The following VCAM1 variants were observed in gnomAD, a reference collection of about 807,000 sequenced individuals.
VCAM1 encodes vascular cell adhesion protein 1.
A neutral mutation model predicts 63.8 loss-of-function variants in VCAM1; 41 were observed. That is an observed-to-expected ratio of 0.64 (90% CI 0.50 to 0.83). The LOEUF (loss-of-function observed/expected upper bound fraction) is 0.83. Ranked by LOEUF, VCAM1 falls within the 40% of genes least tolerant of loss-of-function variation. The probability of loss-of-function intolerance (pLI) is 0.00; values close to 1 mark genes in which losing one functional copy is unlikely to be tolerated. For synonymous variants in VCAM1, 338 were observed against 320.7 expected (o/e 1.05, Z -0.58); for missense variants, 798 against 875.5 (o/e 0.91, Z 1.12).
chr1:100,720,822 TA>T (rs1347873382), intron 2 of VCAM1, 71 bp downstream of exon 2: 19 of 1,495,790 alleles, frequency 1.3e-5, no homozygotes, highest in East Asian at 2.4e-5. Context: ...AATGATATTT[TA>T]AAAAAAGTTT....
In VCAM1 at chr1:100,729,096, C is replaced by T. The variant is rs768564088; in HGVS notation, c.929-11C>T. 1.3e-6 allele frequency: 2 copies of T among 1,502,676 alleles called. No homozygotes were observed. Among genetic ancestry groups the T allele is most frequent in the Non-Finnish European group, 1.8e-6 (2 of 1,123,846 alleles). The allele number at this position is 1,502,676 out of a possible 1,614,324, so 93.1% of individuals were successfully genotyped here. A position where few individuals can be genotyped will look rare whatever the true frequency, so the allele number is the denominator to read the frequency against. ...ATGTTCTTTTCATCTTGTTTTCCAC[C>T]TGTGTCCCAGAGAAACCATTTACTG... On this transcript the variant is annotated splice_polypyrimidine_tract_variant and intron_variant, in intron 4 of 8. Coordinates refer to ENST00000294728, the MANE Select transcript of VCAM1 (RefSeq NM_001078.4).
In VCAM1 at chr1:100,724,641, G is replaced by A; in HGVS notation, c.679G>A (p.Val227Ile). The change falls in exon 4 of 9, where the codon GTT (valine) becomes ATT (isoleucine). Residue 227 changes from valine (V) to isoleucine (I), a missense_variant. Transcript: ENST00000294728. ...LQVYISPKNTVISVNPSTKLQ... is the reference protein window; with the variant it reads ...LQVYISPKNTIISVNPSTKLQ... ...CCTTTCAGTATCACCCAAGAATACA[G>A]TTATTTCTGTGAATCCATCCACAAA... 6.2e-7 allele frequency: 1 copy of A among 1,612,720 alleles called. No homozygotes were observed. The highest frequency in any genetic ancestry group is 1.7e-5 in the Admixed American group (1 of 59,844).
In VCAM1 at chr1:100,732,462, C is replaced by G. The variant is rs1410765393; in HGVS notation, c.1570C>G (p.Leu524Val). 15 of 1,606,768 alleles carry G rather than the reference C, an allele frequency of 9.3e-6. No homozygotes were observed. The highest frequency in any genetic ancestry group is 6.7e-5 in the East Asian group (3 of 44,708). ...TTVLVSPSSI[L>V]EEGSSVNMTC... is the part of the protein sequence containing the mutation. ...CGTCTTGGTCAGCCCTTCCTCCATCCTGGAGGAAGGCAGTTCTGTGAATAT... is the reference window on the plus strand; with the variant it reads ...CGTCTTGGTCAGCCCTTCCTCCATCGTGGAGGAAGGCAGTTCTGTGAATAT... The change falls in exon 7 of 9, where the codon CTG becomes GTG. Residue 524 changes from leucine (L) to valine (V), a missense_variant. By Grantham distance (32) the Leu-to-Val change is conservative (BLOSUM62 1). Transcript: ENST00000294728.
Position 100,732,707 on chromosome 1 carries a change from G to C in VCAM1, c.1792+23G>C, listed in dbSNP as rs906804222. On this transcript the variant is annotated intron_variant, in intron 7 of 8. Transcript: ENST00000294728. ...AAGGTGAGCAGAGTGTGAGTAATGAGTTATCCTTGCTAGTAATGTTTTTGG... is the reference window on the plus strand; with the variant it reads ...AAGGTGAGCAGAGTGTGAGTAATGACTTATCCTTGCTAGTAATGTTTTTGG... 4.6e-6 allele frequency: 7 copies of C among 1,532,130 alleles called. No individual in the cohort carries two copies. In the Admixed American group the frequency reaches 8.7e-5, roughly 19 times the overall value. The allele number at this position is 1,532,130 out of a possible 1,614,324, so 94.9% of individuals were successfully genotyped here.
chr1:100,728,715 A>AAT (rs35811606), intron 4 of VCAM1, among the ~76,000 whole-genome samples: 40,142 of 144,696 alleles, frequency 0.28, 5,851 homozygotes, highest in Admixed American at 0.36. Flanking sequence ...ATTAAATGAG[A>AAT]ATATATATAT....
At chr1:100,734,789 T>C in intron 8 of VCAM1, 21 bp downstream of exon 8, 5 of 1,610,746 alleles carry the variant, frequency 3.1e-6, no homozygotes, top group Non-Finnish European at 4.2e-6. Flanking sequence ...TTTGAGTTTT[T>C]GTTTTCTTGG....
intron 2 of VCAM1, among the ~76,000 whole-genome samples, chr1:100,721,128 CT>C (rs1397191646): frequency 6.6e-6 from 1 of 151,974 alleles, no homozygotes; most frequent in African/African-American, 2.4e-5. Context: ...GAATTCCATC[CT>C]TCAGGGATTT....
chr1:100,729,289 A>G lies in VCAM1; in HGVS notation c.1111A>G (p.Ser371Gly). 2 of 1,613,542 alleles carry G rather than the reference A, an allele frequency of 1.2e-6. No homozygotes were observed. Among genetic ancestry groups the G allele is most frequent in the South Asian group, 1.1e-5 (1 of 91,060 alleles). Residue 371 changes from serine (S) to glycine (G), a missense_variant, in exon 5 of 9, where the codon AGC (serine) becomes GGC (glycine). By Grantham distance (56) the Ser-to-Gly change is moderately conservative. Coordinates refer to ENST00000294728, the MANE Select transcript of VCAM1 (RefSeq NM_001078.4). ...GGGGACCAATTCCACGCTGACCCTG[A>G]GCCCTGTGAGTTTTGAGAACGAACA... Reference protein sequence around the residue: ...SEGTNSTLTLSPVSFENEHSY... With the variant: ...SEGTNSTLTLGPVSFENEHSY...
At position 100,719,936 on chromosome 1, in the gene VCAM1, C is replaced by A; in HGVS notation, c.64+12C>A. ...AATGTTTGCAGCTTGTAAGTTATTT[C>A]CCTTCATCTGTTTCAAATGTTAGCA... On this transcript the variant is annotated intron_variant, in intron 1 of 8. Transcript: ENST00000294728. The A allele has an allele frequency of 6.2e-7, 1 of 1,606,288 alleles. No homozygotes were observed. Among genetic ancestry groups the A allele is most frequent in the Non-Finnish European group, 8.5e-7 (1 of 1,174,464 alleles).
In VCAM1 at chr1:100,719,899, T is replaced by C; in HGVS notation, c.39T>C (p.Asn13=). Reference sequence around the variant, plus strand: ...TGGTCGTGATCCTTGGAGCCTCAAATATACTTTGGATAATGTTTGCAGCTT... The same window carrying C: ...TGGTCGTGATCCTTGGAGCCTCAAACATACTTTGGATAATGTTTGCAGCTT... ...GKMVVILGAS[N]ILWIMFAASQ... The change falls in exon 1 of 9, where the codon AAT becomes AAC. Residue 13 remains asparagine (N), a synonymous_variant. Transcript: ENST00000294728. 1 of 1,611,412 alleles carries C rather than the reference T, an allele frequency of 6.2e-7. No homozygotes were observed. The highest frequency in any genetic ancestry group is 8.5e-7 in the Non-Finnish European group (1 of 1,178,204).
At chr1:100,727,261 G>C (rs1289251293) in intron 4 of VCAM1, among the ~76,000 whole-genome samples, 1 of 152,026 alleles carries the variant, frequency 6.6e-6, no homozygotes, top group African/African-American at 2.4e-5. Context: ...TCCCACCCTA[G>C]CTGCCTGAGT....
Position 100,731,343 on chromosome 1 carries a change from A to G in VCAM1, c.1350A>G (p.Ile450Met), listed in dbSNP as rs752912404. Residue 450 changes from isoleucine to methionine, a missense_variant, in exon 6 of 9, where the codon ATA becomes ATG. By Grantham distance (10) the Ile-to-Met change is conservative (BLOSUM62 1). Coordinates refer to ENST00000294728, the MANE Select transcript of VCAM1 (RefSeq NM_001078.4). This position sits in a 1 kb window ranked among gnomAD's most constrained non-coding sequence, Gnocchi z 4.2. ...LLKGETILEN[I>M]EFLEDTDMKS... ...AGGGGGAGACTATTCTGGAGAATAT[A>G]GAGTTTTTGGAGGATACGGATATGA... 6.2e-7 allele frequency: 1 copy of G among 1,613,842 alleles called. No homozygotes were observed. The highest frequency in any genetic ancestry group is 8.5e-7 in the Non-Finnish European group (1 of 1,179,866).
chr1:100,721,964 A>G (rs973572696), intron 2 of VCAM1, among the ~76,000 whole-genome samples: 10 of 152,038 alleles, frequency 6.6e-5, no homozygotes, highest in South Asian at 6.2e-4. Context: ...ACTAGTACCA[A>G]ATAGTTGAAG....
chr1:100,730,276 A>G (rs576489662), intron 5 of VCAM1, among the ~76,000 whole-genome samples: 1 of 152,094 alleles, frequency 6.6e-6, no homozygotes, highest in Non-Finnish European at 1.5e-5. Flanking sequence ...TATTTGCATT[A>G]TCATATTACC....
chr1:100,720,384 T>C (rs553627693), intron 1 of VCAM1, 92 bp from the exon 2 acceptor site: 4 of 1,471,106 alleles, frequency 2.7e-6, no homozygotes, highest in Middle Eastern at 2.3e-4. Flanking sequence ...GAGATCAGTC[T>C]GATCATATTT....
Position 100,731,236 on chromosome 1 carries a change from C to G in VCAM1, c.1243C>G (p.Leu415Val). 4 of 1,612,962 alleles carry G rather than the reference C, an allele frequency of 2.5e-6. No individual in the cohort carries two copies. Among genetic ancestry groups the G allele is most frequent in the African/African-American group, 1.3e-5 (1 of 74,964 alleles). Residue 415 changes from leucine to valine, a missense_variant, in exon 6 of 9, where the codon CTC becomes GTC. By Grantham distance (32) the Leu-to-Val change is conservative. Transcript: ENST00000294728. This position sits in a 1 kb window ranked among gnomAD's most constrained non-coding sequence, Gnocchi z 4.2. ...RDPEIEMSGG[L>V]VNGSSVTVSC... ...TCCAGAAATCGAGATGAGTGGTGGCCTCGTGAATGGGAGCTCTGTCACTGT... is the reference window on the plus strand; with the variant it reads ...TCCAGAAATCGAGATGAGTGGTGGCGTCGTGAATGGGAGCTCTGTCACTGT...
chr1:100,724,006 G>A (rs1660065192), intron 3 of VCAM1, among the ~76,000 whole-genome samples: 1 of 152,050 alleles, frequency 6.6e-6, no homozygotes, highest in African/African-American at 2.4e-5. Context: ...GAAAGAGAAT[G>A]AGCTGGGAAG....
At chr1:100,727,688 A>C (rs1336894776) in intron 4 of VCAM1, among the ~76,000 whole-genome samples, 1 of 152,112 alleles carries the variant, frequency 6.6e-6, no homozygotes, top group Non-Finnish European at 1.5e-5. Context: ...TGGCCACTGT[A>C]AAGAATGACT....
chr1:100,720,915 G>A (rs1659932885), intron 2 of VCAM1, among the ~76,000 whole-genome samples, 164 bp downstream of exon 2: 1 of 152,052 alleles, frequency 6.6e-6, no homozygotes, highest in Admixed American at 6.6e-5. Flanking sequence ...GCCAACATGA[G>A]AGAGAGCAGG....
Sources: allele counts gnomAD v4.1 joint callset (sites outside exome capture counted in the v4.1 genomes callset), GRCh38; gene constraint gnomAD v4.1.1; non-coding constraint Gnocchi (gnomAD v3.1); transcripts MANE v1.5; gene names NCBI Gene and HGNC (gene_info 2026-07-23, HGNC 2026-07-21).